The following TOPORS variants were observed in gnomAD, a reference collection of about 807,000 sequenced individuals.
TOPORS encodes E3 ubiquitin-protein ligase Topors.
TOPORS carries 25 observed loss-of-function variants against 81.4 expected under a neutral mutation model. That is an observed-to-expected ratio of 0.31 (90% CI 0.22 to 0.43). TOPORS has a LOEUF of 0.43. Ranked by LOEUF, TOPORS falls within the 20% of genes least tolerant of loss-of-function variation. The pLI is 1.00. For missense variants in TOPORS, 1,101 were observed against 1,267.0 expected (o/e 0.87, Z 1.99); for synonymous variants, 473 against 456.6 (o/e 1.04, Z -0.46).
In TOPORS at chr9:32,544,289, T is replaced by C; in HGVS notation, c.236A>G (p.Asn79Ser). 3.1e-6 allele frequency: 5 copies of C among 1,603,204 alleles called. No individual in the cohort carries two copies. Among genetic ancestry groups the C allele is most frequent in the East Asian group, 2.2e-5 (1 of 44,872 alleles). The change falls in exon 3 of 3, where the codon AAC (asparagine) becomes AGC (serine). Residue 79 changes from asparagine (N) to serine (S), a missense_variant. This residue lies in a region of TOPORS where 48 missense variants were observed against 73.3 expected (regional missense o/e 0.65). Transcript: ENST00000360538. ...ASAAKEFKMDNFSPKAGTSKL... is the reference protein window; with the variant it reads ...ASAAKEFKMDSFSPKAGTSKL... Reference sequence around the variant, plus strand: ...GCTAGTGCCAGCTTTAGGTGAAAAGTTGTCCATTTTAAATTCCTTAGCAGC... The same window carrying C: ...GCTAGTGCCAGCTTTAGGTGAAAAGCTGTCCATTTTAAATTCCTTAGCAGC...
Position 32,541,980 on chromosome 9 carries a change from A to G in TOPORS, c.2545T>C (p.Ser849Pro). 1.2e-6 allele frequency: 2 copies of G among 1,613,610 alleles called. No homozygotes were observed. The highest frequency in any genetic ancestry group is 1.7e-6 in the Non-Finnish European group (2 of 1,179,940). Residue 849 changes from serine (S) to proline (P), a missense_variant, in exon 3 of 3, where the codon TCA becomes CCA. Coordinates refer to ENST00000360538, the MANE Select transcript of TOPORS (RefSeq NM_005802.5). ...CTTTTGTGTTTTGTCTCTCTGTCTG[A>G]TGATCGGCTGTCTGAAAAGGTATCA... ...ESDTFSDSRS[S>P]DRETKHKRRK...
At chr9:32,552,393 C>G (rs577180131) in intron 1 of TOPORS, 41 bp downstream of exon 1, 2 of 1,604,466 alleles carry the variant, frequency 1.2e-6, no homozygotes, top group African/African-American at 1.3e-5. Context: ...GTAAGGCCCG[C>G]AGCTCCCGCC....
rs1467439518 is a variant in TOPORS, at chr9:32,542,481, ATCT to A, written c.2041_2043del (p.Arg681del). ...TAACGATCTCTATTTCTGCTCCGTG[ATCT>A]TCTTTTACCATGATCACTGCTACGA... On this transcript the variant is annotated inframe_deletion, in exon 3 of 3. Coordinates refer to ENST00000360538, the MANE Select transcript of TOPORS (RefSeq NM_005802.5). 1.9e-5 allele frequency: 30 copies of A among 1,613,446 alleles called. No homozygotes were observed. The highest frequency in any genetic ancestry group is 2.5e-5 in the Non-Finnish European group (30 of 1,180,004).
At chr9:32,545,261 G>C (rs1160682908) in intron 2 of TOPORS, among the ~76,000 whole-genome samples, 1 of 151,906 alleles carries the variant, frequency 6.6e-6, no homozygotes, top group South Asian at 2.1e-4. Context: ...TAATCCAAAA[G>C]TCAGGCCACA....
At chr9:32,549,203 A>G (rs1483898325) in intron 2 of TOPORS, among the ~76,000 whole-genome samples, 1 of 152,086 alleles carries the variant, frequency 6.6e-6, no homozygotes, top group Non-Finnish European at 1.5e-5. Context: ...GCTAGTCGGG[A>G]GACTGAGGCA....
chr9:32,544,273 A>G lies in TOPORS; in HGVS notation c.252T>C (p.Ala84=). ...EFKMDNFSPK[A]GTSKLQQTVP... is the part of the protein sequence containing the mutation. Reference sequence around the variant, plus strand: ...CTGTCTGTTGCAATTTGCTAGTGCCAGCTTTAGGTGAAAAGTTGTCCATTT... The same window carrying G: ...CTGTCTGTTGCAATTTGCTAGTGCCGGCTTTAGGTGAAAAGTTGTCCATTT... The change falls in exon 3 of 3, where the codon GCT becomes GCC. Residue 84 remains alanine (A), a synonymous_variant. Transcript: ENST00000360538. 1.9e-6 allele frequency: 3 copies of G among 1,605,884 alleles called. No individual in the cohort carries two copies. Among genetic ancestry groups the G allele is most frequent in the East Asian group, 4.5e-5 (2 of 44,880 alleles).
At position 32,543,804 on chromosome 9, in the gene TOPORS, T is replaced by C; in HGVS notation, c.721A>G (p.Thr241Ala). Residue 241 changes from threonine to alanine, a missense_variant, in exon 3 of 3, where the codon ACG becomes GCG. Coordinates refer to ENST00000360538, the MANE Select transcript of TOPORS (RefSeq NM_005802.5). This position sits in a 1 kb window ranked among gnomAD's most constrained non-coding sequence, Gnocchi z 5.6. ...TTCCGCAAAGATCTTTCATCTGCCG[T>C]AGTTGGCCTCCTTACTGCAATCTGT... The part of the protein sequence containing the change: ...MRQIAVRRPT[T>A]ADERSLRKIQ... 6.2e-7 allele frequency: 1 copy of C among 1,613,624 alleles called. No homozygotes were observed. The highest frequency in any genetic ancestry group is 8.5e-7 in the Non-Finnish European group (1 of 1,179,780).
Position 32,544,089 on chromosome 9 carries a change from C to T in TOPORS, c.436G>A (p.Asp146Asn). The change falls in exon 3 of 3, where the codon GAT becomes AAT. Residue 146 changes from aspartate to asparagine, a missense_variant. Asp to Asn is a conservative substitution (Grantham distance 23). Around this residue, in one of 9 missense-constraint regions of TOPORS, gnomAD observed 10 missense variants for 21.4 expected, o/e 0.47. Transcript: ENST00000360538. The stretch of plus-strand genomic sequence containing the variant: ...GCCCTCACAGAATGGAAAATAGAAT[C>T]AAAGGGCTGTTTACATAGTGGGCAT... ...AECPLCKQPF[D>N]SIFHSVRAED... 1 of 1,614,170 alleles carries T rather than the reference C, an allele frequency of 6.2e-7. No individual in the cohort carries two copies. Among genetic ancestry groups the T allele is most frequent in the Non-Finnish European group, 8.5e-7 (1 of 1,180,024 alleles).
In TOPORS at chr9:32,541,858, A is replaced by C. The variant is rs775009702; in HGVS notation, c.2667T>G (p.His889Gln). 9.9e-6 allele frequency: 16 copies of C among 1,613,810 alleles called. No homozygotes were observed. Among genetic ancestry groups the C allele is most frequent in the South Asian group, 3.3e-5 (3 of 91,066 alleles). The change falls in exon 3 of 3, where the codon CAT becomes CAG. Residue 889 changes from histidine to glutamine, a missense_variant. Physicochemically the swap from His to Gln is conservative, Grantham distance 24. Transcript: ENST00000360538. Reference sequence around the variant, plus strand: ...CATGGTGTTTCTTATGCTTCTTCTTATGTTTCTTCTTTTTCTTTTTATGGT... The same window carrying C: ...CATGGTGTTTCTTATGCTTCTTCTTCTGTTTCTTCTTTTTCTTTTTATGGT... ...TKHHKKKKKK[H>Q]KKKHKKHHGD...
intron 2 of TOPORS, among the ~76,000 whole-genome samples, chr9:32,548,614 AAC>A (rs1821174881): frequency 1.3e-5 from 2 of 152,252 alleles, no homozygotes; most frequent in African/African-American, 2.4e-5. Flanking sequence ...CCCGATGAAA[AAC>A]ACAGTGCTTC....
At chr9:32,544,447 T>A in intron 2 of TOPORS, 121 bp from the exon 3 acceptor site, 1 of 985,086 alleles carries the variant, frequency 1.0e-6, no homozygotes. Flanking sequence ...AGTGACCCAT[T>A]ACTTTTGTTT....
rs759430459 is a variant in TOPORS, at chr9:32,543,775, A to C, written c.750T>G (p.Ile250Met). ...TAAAATTAATAATATCTTGTTCTTGAATTTTCCGCAAAGATCTTTCATCTG... is the reference window on the plus strand; with the variant it reads ...TAAAATTAATAATATCTTGTTCTTGCATTTTCCGCAAAGATCTTTCATCTG... The part of the protein sequence containing the change: ...TTADERSLRK[I>M]QEQDIINFRR... The change falls in exon 3 of 3, where the codon ATT becomes ATG. Residue 250 changes from isoleucine (I) to methionine (M), a missense_variant. Around this residue, in one of 9 missense-constraint regions of TOPORS, gnomAD observed 120 missense variants for 115.4 expected, o/e 1.04. Coordinates refer to ENST00000360538, the MANE Select transcript of TOPORS (RefSeq NM_005802.5). This position sits in a 1 kb window ranked among gnomAD's most constrained non-coding sequence, Gnocchi z 5.6. 2 of 1,611,346 alleles carry C rather than the reference A, an allele frequency of 1.2e-6. No homozygotes were observed. Among genetic ancestry groups the C allele is most frequent in the East Asian group, 4.5e-5 (2 of 44,852 alleles).
chr9:32,545,768 AAAC>A (rs1473094640), intron 2 of TOPORS, among the ~76,000 whole-genome samples: 4 of 152,200 alleles, frequency 2.6e-5, no homozygotes, highest in South Asian at 4.1e-4. Flanking sequence ...ACAAATAAAC[AAAC>A]AACAACAAAA....
Position 32,542,171 on chromosome 9 carries a change from T to C in TOPORS, c.2354A>G (p.Asp785Gly). Residue 785 changes from aspartate to glycine, a missense_variant, in exon 3 of 3, where the codon GAC (aspartate) becomes GGC (glycine). This residue lies in a region of TOPORS where 605 missense variants were observed against 636.1 expected (regional missense o/e 0.95). Transcript: ENST00000360538. The stretch of plus-strand genomic sequence containing the variant: ...TCCAGGCTTTTCATTTCTCACCCGG[T>C]CAGTCCCGGTAGATGCAGTCCTTGA... Reference protein sequence around the residue: ...NRSRTASTGTDRVRNEKPGGK... With the variant: ...NRSRTASTGTGRVRNEKPGGK... 6.2e-7 allele frequency: 1 copy of C among 1,614,226 alleles called. No homozygotes were observed. Among genetic ancestry groups the C allele is most frequent in the South Asian group, 1.1e-5 (1 of 91,086 alleles).
At chr9:32,546,350 T>C (rs1330696483) in intron 2 of TOPORS, among the ~76,000 whole-genome samples, 5 of 152,258 alleles carry the variant, frequency 3.3e-5, no homozygotes, top group Admixed American at 1.3e-4. Context: ...AGACTGTGTG[T>C]GTGGTAGAGG....
chr9:32,541,729 T>G lies in TOPORS; in HGVS notation c.2796A>C (p.Gln932His), dbSNP rs772169920. ...EDTECDNSGP[Q>H]DPLQNEFLAP... ...CCAAAAACTCATTTTGTAGAGGGTCTTGAGGACCACTATTGTCACATTCTG... is the reference window on the plus strand; with the variant it reads ...CCAAAAACTCATTTTGTAGAGGGTCGTGAGGACCACTATTGTCACATTCTG... Residue 932 changes from glutamine to histidine, a missense_variant, in exon 3 of 3, where the codon CAA (glutamine) becomes CAC (histidine). Gln to His is a conservative substitution (Grantham distance 24). This residue lies in a region of TOPORS where 605 missense variants were observed against 636.1 expected (regional missense o/e 0.95). Coordinates refer to ENST00000360538, the MANE Select transcript of TOPORS (RefSeq NM_005802.5). 10 of 1,614,222 alleles carry G rather than the reference T, an allele frequency of 6.2e-6. No individual in the cohort carries two copies. In the South Asian group the frequency reaches 1.1e-4, roughly 18 times the overall value.
chr9:32,552,405 G>A, intron 1 of TOPORS, 29 bp downstream of exon 1: 1 of 1,608,330 alleles, frequency 6.2e-7, no homozygotes, highest in African/African-American at 1.3e-5. Flanking sequence ...GCTCCCGCCA[G>A]CTCCCGCGGA....
chr9:32,541,276 G>A lies in TOPORS; in HGVS notation c.*111C>T. The A allele has an allele frequency of 3.8e-6, 4 of 1,061,570 alleles. No individual in the cohort carries two copies. In the South Asian group the frequency reaches 5.8e-5, roughly 15 times the overall value. 65.8% of individuals were successfully genotyped at this position (1,061,570 alleles called of 1,614,324 possible). On this transcript the variant is annotated 3_prime_UTR_variant, in exon 3 of 3. Transcript: ENST00000360538. ...AAAAAAATCATTTAAAATATTGTAA[G>A]GAGGAAGAGAGTTTTCACCAAATGT...
intron 1 of TOPORS, chr9:32,552,207 T>A: frequency 1.6e-6 from 1 of 615,504 alleles, no homozygotes; most frequent in Non-Finnish European, 2.9e-6. Context: ...TTTTTAACAT[T>A]TTCTCGTTTA....
Sources: allele counts gnomAD v4.1 joint callset (sites outside exome capture counted in the v4.1 genomes callset), GRCh38; gene constraint gnomAD v4.1.1; regional missense constraint gnomAD v4.1.1; non-coding constraint Gnocchi (gnomAD v3.1); transcripts MANE v1.5; gene names NCBI Gene and HGNC (gene_info 2026-07-23, HGNC 2026-07-21).